Variants in DUSP22 observed in about 807,000 individuals in gnomAD.
The protein encoded by DUSP22 is dual specificity protein phosphatase 22.
In DUSP22, 24 loss-of-function variants were observed where a neutral mutation model predicts 24.5. The observed-to-expected ratio is 0.98, with a 90% CI of 0.71 to 1.38. The LOEUF (loss-of-function observed/expected upper bound fraction) is 1.38. Among genes scored for constraint, DUSP22 ranks in the 40% most tolerant of loss-of-function variants. The pLI, the probability that DUSP22 is intolerant of heterozygous loss-of-function variation, is 0.00. For synonymous variants in DUSP22, 160 were observed against 106.4 expected (o/e 1.50, Z -3.10); for missense variants, 330 against 269.2 (o/e 1.23, Z -1.58).
intron 3 of DUSP22, chr6:326,093 C>T (rs1266330805): frequency 7.8e-5 from 19 of 243,052 alleles, no homozygotes; most frequent in Non-Finnish European, 6.2e-5. Flanking sequence ...CTTCCCCGTC[C>T]TGGTGTGTGC....
intron 1 of DUSP22, among the ~76,000 whole-genome samples, chr6:294,735 G>A (rs1189914886): frequency 1.3e-5 from 2 of 152,294 alleles, no homozygotes; most frequent in Admixed American, 6.5e-5. Flanking sequence ...GATAGTCACT[G>A]TGGCTAATGG....
At chr6:308,423 T>A (rs1225725161) in intron 2 of DUSP22, among the ~76,000 whole-genome samples, 2 of 152,306 alleles carry the variant, frequency 1.3e-5, no homozygotes, top group Non-Finnish European at 1.5e-5. Context: ...GCAGGTTTGA[T>A]TAAGCATTTT....
chr6:301,518 T>C (rs1757578361), intron 1 of DUSP22, among the ~76,000 whole-genome samples: 1 of 152,308 alleles, frequency 6.6e-6, no homozygotes, highest in Admixed American at 6.5e-5. Context: ...CATTTTGAGG[T>C]AGAAAATCAC....
intron 1 of DUSP22, among the ~76,000 whole-genome samples, chr6:303,641 C>T (rs1301660830): frequency 2.6e-5 from 4 of 152,420 alleles, no homozygotes; most frequent in Admixed American, 1.3e-4. Flanking sequence ...GTCACCAAGA[C>T]GAGCTGGTTG....
chr6:343,091 T>C (rs1343872141), intron 4 of DUSP22, among the ~76,000 whole-genome samples: 4 of 152,294 alleles, frequency 2.6e-5, no homozygotes, highest in East Asian at 1.9e-4. Context: ...TGCTCTGGAG[T>C]GTCCTTCGGC....
rs373799515 is a variant in DUSP22 at position 348,109 on chromosome 6, C to G, written c.270C>G (p.Ala90=). The G allele has an allele frequency of 6.2e-7, 1 of 1,614,022 alleles. No individual in the cohort carries two copies. The highest frequency in any genetic ancestry group is 1.7e-5 in the Admixed American group (1 of 60,014). The change falls in exon 6 of 7, where the codon GCC becomes GCG. Residue 90 remains alanine (A), a synonymous_variant. Transcript: ENST00000419235. The part of the protein sequence containing the change: ...RGESCLVHCL[A]GVSRSVTLVI... ...GCTTCTCTTGGCCCCGCAGCCTGGC[C>G]GGGGTCTCCAGGAGCGTGACACTGG...
intron 2 of DUSP22, among the ~76,000 whole-genome samples, chr6:307,119 A>G (rs562553174): frequency 6.6e-6 from 1 of 152,426 alleles, no homozygotes; most frequent in South Asian, 2.1e-4. Context: ...TGGGCGGTGA[A>G]TCCAGCTGTC....
intron 3 of DUSP22, among the ~76,000 whole-genome samples, chr6:318,403 G>C (rs60456663): frequency 7.3e-3 from 1,108 of 152,054 alleles, no homozygotes; most frequent in African/African-American, 0.026. Flanking sequence ...ACAGGGACTT[G>C]TGTTCTGGTT....
intron 1 of DUSP22, among the ~76,000 whole-genome samples, chr6:302,667 C>T: frequency 6.6e-6 from 1 of 152,424 alleles, no homozygotes; most frequent in South Asian, 2.1e-4. Context: ...TGACTTTGGG[C>T]AGATAAACAT....
At position 348,145 on chromosome 6, in the gene DUSP22, C is replaced by T. The variant is rs749860501; in HGVS notation, c.306C>T (p.Tyr102=). ...VSRSVTLVIA[Y]IMTVTDFGWE... ...GGAGCGTGACACTGGTGATCGCATA[C>T]ATCATGACCGTCACTGACTTTGGCT... The change falls in exon 6 of 7, where the codon TAC becomes TAT. Residue 102 remains tyrosine (Y), a synonymous_variant. Coordinates refer to ENST00000419235, the MANE Select transcript of DUSP22 (RefSeq NM_001286555.3). The T allele has an allele frequency of 6.2e-7, 1 of 1,614,300 alleles. No individual in the cohort carries two copies. Among genetic ancestry groups the T allele is most frequent in the South Asian group, 1.1e-5 (1 of 91,092 alleles).
intron 3 of DUSP22, among the ~76,000 whole-genome samples, chr6:322,457 T>C (rs1430940481): frequency 6.6e-6 from 1 of 152,124 alleles, no homozygotes; most frequent in African/African-American, 2.4e-5. Context: ...GAGTTTTGCT[T>C]CCCCCAAGCT....
In DUSP22 at chr6:350,725, C is replaced by T. The variant is rs1191956728; in HGVS notation, c.*1774C>T. The T allele has an allele frequency of 3.1e-6, 5 of 1,610,028 alleles. No homozygotes were observed. Among genetic ancestry groups the T allele is most frequent in the Non-Finnish European group, 4.2e-6 (5 of 1,178,254 alleles). On this transcript the variant is annotated 3_prime_UTR_variant, in exon 7 of 7. Transcript: ENST00000419235. ...AATGATTTAGGATATAGCTTGAATG[C>T]TTAAATATGTGCACCTTTACAAACC...
At chr6:315,888 G>C (rs1237984980) in intron 3 of DUSP22, among the ~76,000 whole-genome samples, 1 of 152,304 alleles carries the variant, frequency 6.6e-6, no homozygotes, top group Non-Finnish European at 1.5e-5. Flanking sequence ...GATACGCGTT[G>C]TAGCTGCTTT....
Position 318,333 on chromosome 6 carries a change from G to A in DUSP22, c.138+6371G>A, listed in dbSNP as rs549712367. On this transcript the variant is annotated intron_variant, in intron 3 of 6. Transcript: ENST00000419235. ...GGGTTGGCACACAGCTTGTGGAAAC[G>A]CTGTCACAGACTTCATGGAGCTTAT... 3.9e-5 allele frequency among the ~76,000 whole-genome samples: 6 copies of A among 152,424 alleles called. No individual in the cohort carries two copies. In the South Asian group the frequency reaches 6.2e-4, roughly 16 times the overall value.
chr6:307,697 A>G (rs938191025), intron 2 of DUSP22, among the ~76,000 whole-genome samples: 12 of 152,416 alleles, frequency 7.9e-5, no homozygotes, highest in South Asian at 2.1e-4. Context: ...CTGACAGACG[A>G]AGCCCTCATT....
intron 1 of DUSP22, among the ~76,000 whole-genome samples, chr6:294,254 T>A (rs1757223259): frequency 6.6e-6 from 1 of 152,298 alleles, no homozygotes; most frequent in African/African-American, 2.4e-5. Context: ...TCACAGTGTA[T>A]CAATGAAGAA....
At chr6:318,881 G>A (rs1209893560) in intron 3 of DUSP22, among the ~76,000 whole-genome samples, 1 of 152,304 alleles carries the variant, frequency 6.6e-6, no homozygotes, top group Admixed American at 6.5e-5. Flanking sequence ...AACAAGAAAA[G>A]GAAGACGTCT....
intron 3 of DUSP22, among the ~76,000 whole-genome samples, chr6:323,240 ATGTGTGTG>A (rs5873739): frequency 1.3e-5 from 2 of 151,598 alleles, no homozygotes; most frequent in South Asian, 4.1e-4. Context: ...GCGTGTGTGC[ATGTGTGTG>A]TGTGTGTGTG....
chr6:338,231 C>G (rs1248556260), intron 4 of DUSP22: 1 of 152,368 alleles, frequency 6.6e-6, no homozygotes, highest in Non-Finnish European at 1.5e-5. Flanking sequence ...ATATTGCTTG[C>G]TGTACTAAAG....
Sources: allele counts gnomAD v4.1 joint callset (sites outside exome capture counted in the v4.1 genomes callset), GRCh38; gene constraint gnomAD v4.1.1; transcripts MANE v1.5; gene names NCBI Gene and HGNC (gene_info 2026-07-23, HGNC 2026-07-21).